Variants in CNTNAP5 observed in about 807,000 individuals in gnomAD.
CNTNAP5 encodes the protein contactin associated protein family member 5.
A neutral mutation model predicts 150.2 loss-of-function variants in CNTNAP5; 72 were observed. The observed-to-expected ratio is 0.48, with a 90% CI of 0.40 to 0.58. CNTNAP5 has a LOEUF of 0.58. Ranked by LOEUF, CNTNAP5 falls within the 20% of genes least tolerant of loss-of-function variation. The pLI, the probability that CNTNAP5 is intolerant of heterozygous loss-of-function variation, is 0.00. For missense variants in CNTNAP5, 1,636 were observed against 1,626.2 expected (o/e 1.01, Z -0.10); for synonymous variants, 672 against 619.8 (o/e 1.08, Z -1.25).
At chr2:124,061,986 C>T (rs900458265) in intron 1 of CNTNAP5, among the ~76,000 whole-genome samples, 11 of 152,154 alleles carry the variant, frequency 7.2e-5, no homozygotes, top group Non-Finnish European at 1.5e-4. Flanking sequence ...CCTTCTTCTA[C>T]ACGCTGCTGG....
Position 124,056,770 on chromosome 2 carries a change from G to A in CNTNAP5, c.82+31038G>A, listed in dbSNP as rs530359135. Among the ~76,000 whole-genome samples, 11 of 152,296 alleles carry A rather than the reference G, an allele frequency of 7.2e-5. No homozygotes were observed. The East Asian group carries it at 1.7e-3, about 24-fold the overall frequency. On this transcript the variant is annotated intron_variant, in intron 1 of 23. Transcript: ENST00000682447. ...GAATGTGGAGGTCACTGGACACATC[G>A]AGTCATTGTGAATCAGTCATCTCAG...
chr2:124,367,834 A>T, intron 3 of CNTNAP5, among the ~76,000 whole-genome samples: 1 of 152,312 alleles, frequency 6.6e-6, no homozygotes, highest in African/African-American at 2.4e-5. Context: ...TCAAGGTACA[A>T]TTACTTATAG....
chr2:124,448,527 A>G (rs781284443), intron 6 of CNTNAP5, among the ~76,000 whole-genome samples: 2 of 152,094 alleles, frequency 1.3e-5, no homozygotes, highest in Admixed American at 6.5e-5. Flanking sequence ...GAAGTCTACC[A>G]TAGTGGAAAT....
At chr2:124,524,662 G>A (rs1049499345) in intron 9 of CNTNAP5, among the ~76,000 whole-genome samples, 1 of 152,084 alleles carries the variant, frequency 6.6e-6, no homozygotes, top group African/African-American at 2.4e-5. Context: ...AATTATCTAG[G>A]TCAGTGCTGA....
intron 1 of CNTNAP5, among the ~76,000 whole-genome samples, chr2:124,190,296 G>C (rs931302088): frequency 4.6e-5 from 7 of 152,194 alleles, no homozygotes; most frequent in Non-Finnish European, 7.3e-5. Context: ...AGGGTAGTTA[G>C]AGAAGTCTAA....
chr2:124,406,521 AAT>A (rs1414241476), intron 3 of CNTNAP5, among the ~76,000 whole-genome samples: 2 of 152,226 alleles, frequency 1.3e-5, no homozygotes, highest in East Asian at 1.9e-4. Flanking sequence ...AAGAAAGAAA[AAT>A]AGTCTTTTAT....
intron 14 of CNTNAP5, among the ~76,000 whole-genome samples, chr2:124,754,158 G>T (rs2105153546): frequency 6.6e-6 from 1 of 152,212 alleles, no homozygotes; most frequent in South Asian, 2.1e-4. Context: ...CATGCATTAA[G>T]GGCGCCTTAG....
intron 1 of CNTNAP5, among the ~76,000 whole-genome samples, chr2:124,190,359 G>T (rs1463354008): frequency 6.6e-6 from 1 of 152,106 alleles, no homozygotes; most frequent in Non-Finnish European, 1.5e-5. Flanking sequence ...CAATGCTAAA[G>T]GTTCCATTAG....
At chr2:124,383,413 T>C (rs1173533713) in intron 3 of CNTNAP5, among the ~76,000 whole-genome samples, 3 of 152,126 alleles carry the variant, frequency 2.0e-5, no homozygotes, top group Non-Finnish European at 2.9e-5. Context: ...TTGAGGCCCA[T>C]TGCAGCCTGT....
intron 13 of CNTNAP5, among the ~76,000 whole-genome samples, chr2:124,745,240 T>C (rs537736147): frequency 6.6e-6 from 1 of 152,332 alleles, no homozygotes; most frequent in East Asian, 1.9e-4. Flanking sequence ...GCAATTAATG[T>C]GCTTATAGCC....
intron 6 of CNTNAP5, among the ~76,000 whole-genome samples, chr2:124,461,225 G>C (rs992923188): frequency 4.6e-5 from 7 of 152,058 alleles, no homozygotes; most frequent in East Asian, 3.9e-4. Flanking sequence ...GACACATGCA[G>C]ACGTATGTTT....
chr2:124,406,993 A>G (rs1004131621), intron 3 of CNTNAP5, among the ~76,000 whole-genome samples: 2 of 152,034 alleles, frequency 1.3e-5, no homozygotes, highest in South Asian at 2.1e-4. Flanking sequence ...TAATATAATA[A>G]CCTCCAGTTC....
intron 3 of CNTNAP5, among the ~76,000 whole-genome samples, chr2:124,341,845 G>A (rs576898878): frequency 2.0e-5 from 3 of 152,058 alleles, no homozygotes; most frequent in African/African-American, 7.2e-5. Flanking sequence ...AAGCTGTTGT[G>A]GTGATTTCCC....
intron 1 of CNTNAP5, among the ~76,000 whole-genome samples, chr2:124,149,425 A>AAAAG (rs1163406129): frequency 2.1e-5 from 3 of 145,088 alleles, no homozygotes; most frequent in Admixed American, 7.0e-5. Context: ...AAAAAAAAAA[A>AAAAG]ACTCAGGAAA....
At chr2:124,580,053 C>A (rs941251880) in intron 11 of CNTNAP5, among the ~76,000 whole-genome samples, 2 of 152,186 alleles carry the variant, frequency 1.3e-5, no homozygotes, top group Non-Finnish European at 2.9e-5. Context: ...TAAGGAGGCA[C>A]CCTCTACTCT....
intron 1 of CNTNAP5, among the ~76,000 whole-genome samples, chr2:124,165,431 C>G (rs933218502): frequency 3.9e-5 from 6 of 152,150 alleles, no homozygotes; most frequent in African/African-American, 1.2e-4. Flanking sequence ...CCCTTAACCT[C>G]TCTTTGCCAC....
chr2:124,764,826 C>T (rs751544115), intron 16 of CNTNAP5, among the ~76,000 whole-genome samples: 1 of 151,806 alleles, frequency 6.6e-6, no homozygotes, highest in Non-Finnish European at 1.5e-5. Context: ...TAATAAAATA[C>T]AATTTAAAAA....
intron 21 of CNTNAP5, among the ~76,000 whole-genome samples, chr2:124,897,345 G>A (rs1365732191): frequency 3.3e-5 from 5 of 151,492 alleles, no homozygotes; most frequent in African/African-American, 1.2e-4. Flanking sequence ...TTGCTGGTCT[G>A]CTAAATTAAT....
At chr2:124,842,594 G>T (rs1682966851) in intron 19 of CNTNAP5, among the ~76,000 whole-genome samples, 1 of 152,112 alleles carries the variant, frequency 6.6e-6, no homozygotes, top group South Asian at 2.1e-4. Context: ...TGAGTTAAAG[G>T]TAAGACAGGT....
Sources: gnomAD v4.1 joint callset for allele counts (sites outside exome capture counted in the v4.1 genomes callset) on GRCh38, gnomAD v4.1.1 for gene constraint, MANE v1.5 for transcripts, NCBI Gene and HGNC (gene_info 2026-07-23, HGNC 2026-07-21) for gene names.